Variants in GNA14 observed in about 807,000 individuals in gnomAD.
The protein encoded by GNA14 is G protein subunit alpha 14.
Under a neutral mutation model 42.0 loss-of-function variants are expected in GNA14, and 50 were observed. The ratio of observed to expected loss-of-function variants is 1.19; its 90% confidence interval spans 0.95 to 1.51. GNA14 has a LOEUF of 1.51. Ranked by LOEUF, GNA14 falls within the 40% of genes most tolerant of loss-of-function variation. GNA14 has a pLI of 0.00. For missense variants in GNA14, 473 were observed against 446.2 expected, an observed-to-expected ratio of 1.06 and a Z score of -0.54; for synonymous variants, 173 against 163.1, an observed-to-expected ratio of 1.06 and a Z score of -0.46.
chr9:77,647,683 C>G lies in GNA14; in HGVS notation c.111G>C (p.Lys37Asn). 1 of 1,610,380 alleles carries G rather than the reference C, an allele frequency of 6.2e-7. No individual in the cohort carries two copies. The highest frequency in any genetic ancestry group is 2.2e-5 in the East Asian group (1 of 44,720). Residue 37 changes from lysine to asparagine, a missense_variant, in exon 1 of 7, where the codon AAG (lysine) becomes AAC (asparagine). Lys to Asn is a moderately conservative substitution (Grantham distance 94). Coordinates refer to ENST00000341700, the MANE Select transcript of GNA14 (RefSeq NM_004297.4). Reference sequence around the variant, plus strand: ...GCAGCCACTCACCCAGCAGCAGCAGCTTAAGCTCACGGCGCGCGTCCTTCT... The same window carrying G: ...GCAGCCACTCACCCAGCAGCAGCAGGTTAAGCTCACGGCGCGCGTCCTTCT... Reference protein sequence around the residue: ...RDKKDARRELKLLLLGTGESG... With the variant: ...RDKKDARRELNLLLLGTGESG...
At chr9:77,498,146 G>T (rs896139980) in intron 2 of GNA14, among the ~76,000 whole-genome samples, 4 of 152,096 alleles carry the variant, frequency 2.6e-5, no homozygotes, top group African/African-American at 9.7e-5. Flanking sequence ...AGCCAAGGTG[G>T]GTGGATCACC....
At chr9:77,536,163 A>G (rs1837594995) in intron 1 of GNA14, among the ~76,000 whole-genome samples, 1 of 152,178 alleles carries the variant, frequency 6.6e-6, no homozygotes, top group Admixed American at 6.5e-5. Context: ...AGAGAACTGG[A>G]AACAATTGGA....
At chr9:77,487,537 T>G (rs1020930699) in intron 2 of GNA14, among the ~76,000 whole-genome samples, 1 of 152,182 alleles carries the variant, frequency 6.6e-6, no homozygotes, top group Non-Finnish European at 1.5e-5. Context: ...AAGCACTTTA[T>G]AAATGATAAA....
At chr9:77,550,434 A>G (rs1837774630) in intron 1 of GNA14, among the ~76,000 whole-genome samples, 1 of 152,176 alleles carries the variant, frequency 6.6e-6, no homozygotes, top group African/African-American at 2.4e-5. Context: ...ATTATTAGCT[A>G]AAGGTGCTAA....
chr9:77,461,708 C>G (rs943366804), intron 2 of GNA14, among the ~76,000 whole-genome samples: 1 of 151,992 alleles, frequency 6.6e-6, no homozygotes, highest in African/African-American at 2.4e-5. Flanking sequence ...ATATACCCCC[C>G]AAACATGCTT....
rs201613206 is a variant in GNA14 at position 77,541,397 on chromosome 9, G to C, written c.125-12144C>G. Among the ~76,000 whole-genome samples, 4 of 152,268 alleles carry C rather than the reference G, an allele frequency of 2.6e-5. No individual in the cohort carries two copies. In the East Asian group the frequency reaches 5.8e-4, roughly 22 times the overall value. ...TGGCCTGTAAGGTTTCTAATGAGAA[G>C]TCTGCTGTTAGTCAGATAGGGGTTC... On this transcript the variant is annotated intron_variant, in intron 1 of 6. Transcript: ENST00000341700.
At chr9:77,595,035 A>G (rs1164756425) in intron 1 of GNA14, among the ~76,000 whole-genome samples, 1 of 152,166 alleles carries the variant, frequency 6.6e-6, no homozygotes, top group Non-Finnish European at 1.5e-5. Context: ...ACCATCTCTG[A>G]CCACTTCCAA....
At chr9:77,587,619 T>C (rs1017731745) in intron 1 of GNA14, among the ~76,000 whole-genome samples, 4 of 152,136 alleles carry the variant, frequency 2.6e-5, no homozygotes, top group African/African-American at 9.7e-5. Flanking sequence ...GGTGGTTATC[T>C]GGGGGAGGTG....
intron 5 of GNA14, among the ~76,000 whole-genome samples, chr9:77,427,090 AATAC>A: frequency 6.6e-6 from 1 of 152,334 alleles, no homozygotes; most frequent in East Asian, 1.9e-4. Context: ...GAGTGGATAT[AATAC>A]ATATCTACAA....
intron 1 of GNA14, among the ~76,000 whole-genome samples, chr9:77,552,077 T>A (rs530673698): frequency 1.4e-5 from 2 of 144,792 alleles, no homozygotes; most frequent in Admixed American, 1.5e-4. Context: ...GAGGCAGAGG[T>A]TGCAGTGAGC....
At chr9:77,489,631 G>A (rs59299080) in intron 2 of GNA14, among the ~76,000 whole-genome samples, 6,692 of 152,142 alleles carry the variant, frequency 0.044, 337 homozygotes, top group African/African-American at 0.13. Flanking sequence ...AGATGTGTTC[G>A]GAGTTTCTTC....
intron 1 of GNA14, among the ~76,000 whole-genome samples, chr9:77,602,515 C>A (rs1411058985): frequency 6.6e-6 from 1 of 151,410 alleles, no homozygotes; most frequent in Non-Finnish European, 1.5e-5. Flanking sequence ...GCCCTCCCGA[C>A]CCACCCCTGG....
chr9:77,529,898 C>T (rs1157821383), intron 1 of GNA14, among the ~76,000 whole-genome samples: 3 of 152,268 alleles, frequency 2.0e-5, no homozygotes, highest in East Asian at 1.9e-4. Flanking sequence ...CAAAACTCTA[C>T]ATTCATATTA....
chr9:77,598,821 C>G (rs187453958), intron 1 of GNA14, among the ~76,000 whole-genome samples: 1 of 152,134 alleles, frequency 6.6e-6, no homozygotes, highest in East Asian at 1.9e-4. Flanking sequence ...AAAGAGTCGT[C>G]TTTAGGAGCC....
chr9:77,542,402 G>GTC (rs1171809660), intron 1 of GNA14, among the ~76,000 whole-genome samples: 3 of 152,192 alleles, frequency 2.0e-5, no homozygotes, highest in Admixed American at 2.0e-4. Flanking sequence ...CAGATGGCCA[G>GTC]TCTGCAGGCC....
At chr9:77,490,309 C>A (rs1836744101) in intron 2 of GNA14, among the ~76,000 whole-genome samples, 1 of 152,270 alleles carries the variant, frequency 6.6e-6, no homozygotes, top group Admixed American at 6.5e-5. Flanking sequence ...CTCAGGAGCC[C>A]AGCTGGCTTC....
chr9:77,586,745 G>C (rs1823310207), intron 1 of GNA14, among the ~76,000 whole-genome samples: 2 of 152,166 alleles, frequency 1.3e-5, no homozygotes, highest in Non-Finnish European at 2.9e-5. Flanking sequence ...GAAGAAGCTG[G>C]CCACCCCACC....
Position 77,434,539 on chromosome 9 carries a change from G to C in GNA14, c.310-17C>G. 1.9e-6 allele frequency: 3 copies of C among 1,609,356 alleles called. No individual in the cohort carries two copies. The highest frequency in any genetic ancestry group is 1.3e-5 in the African/African-American group (1 of 74,880). On this transcript the variant is annotated splice_polypyrimidine_tract_variant and intron_variant, in intron 2 of 6. Transcript: ENST00000341700. ...GGCATTTTCCTACTCAAAGGAAAGAGAACCTTGCATCAGGCAAAGGAAAGG... is the reference window on the plus strand; with the variant it reads ...GGCATTTTCCTACTCAAAGGAAAGACAACCTTGCATCAGGCAAAGGAAAGG...
At chr9:77,514,765 C>A (rs1173254432) in intron 2 of GNA14, among the ~76,000 whole-genome samples, 1 of 152,012 alleles carries the variant, frequency 6.6e-6, no homozygotes, top group Non-Finnish European at 1.5e-5. Flanking sequence ...AGGCGTCTGC[C>A]ACCACGCCCG....
Sources: allele counts gnomAD v4.1 joint callset (sites outside exome capture counted in the v4.1 genomes callset), GRCh38; gene constraint gnomAD v4.1.1; transcripts MANE v1.5; gene names NCBI Gene and HGNC (gene_info 2026-07-23, HGNC 2026-07-21).